DRC1: variants seen among roughly 807,000 people sequenced by gnomAD.
DRC1 encodes the protein dynein regulatory complex subunit 1.
In DRC1, 74 loss-of-function variants were observed where a neutral mutation model predicts 98.7. The observed-to-expected ratio is 0.75, with a 90% CI of 0.62 to 0.91. DRC1 has a LOEUF of 0.91. Ranked by LOEUF, DRC1 falls within the 40% of genes least tolerant of loss-of-function variation. The probability of loss-of-function intolerance (pLI) is 0.00; values close to 1 mark genes in which losing one functional copy is unlikely to be tolerated. For synonymous variants in DRC1, 336 were observed against 334.1 expected, an observed-to-expected ratio of 1.01 and a Z score of -0.06; for missense variants, 875 against 886.0, an observed-to-expected ratio of 0.99 and a Z score of 0.16.
intron 1 of DRC1, among the ~76,000 whole-genome samples, chr2:26,402,377 C>G (rs1421286100): frequency 6.6e-6 from 1 of 152,198 alleles, no homozygotes; most frequent in Non-Finnish European, 1.5e-5. Context: ...CATAGAGAGA[C>G]CCCATCTCTA....
intron 2 of DRC1, among the ~76,000 whole-genome samples, chr2:26,418,646 A>T (rs7422580): frequency 0.31 from 28,795 of 93,152 alleles, 4,252 homozygotes; most frequent in Middle Eastern, 0.36. Flanking sequence ...AATTTATATA[A>T]TATATAAATT....
chr2:26,427,063 T>C (rs1359481799), intron 4 of DRC1, among the ~76,000 whole-genome samples: 1 of 152,202 alleles, frequency 6.6e-6, no homozygotes, highest in Admixed American at 6.5e-5. Context: ...TATTTTGGAT[T>C]GGTCATTATT....
chr2:26,431,432 G>T (rs1188891872), intron 6 of DRC1, among the ~76,000 whole-genome samples: 1 of 152,056 alleles, frequency 6.6e-6, no homozygotes, highest in East Asian at 1.9e-4. Flanking sequence ...TGTTTACTGG[G>T]TATCTCACCC....
chr2:26,454,849 G>A lies in DRC1; in HGVS notation c.2063+59G>A. On this transcript the variant is annotated intron_variant, in intron 15 of 16. Coordinates refer to ENST00000288710, the MANE Select transcript of DRC1 (RefSeq NM_145038.5). The surrounding 1 kb of genome is among the most constrained non-coding windows in gnomAD (Gnocchi z 5.2). ...GGCGGGCAGGTGAGGAACGGTTGTT[G>A]GGAGCAGCCGCGTTTGCTGCCTCCC... 1.2e-6 allele frequency: 2 copies of A among 1,606,912 alleles called. No homozygotes were observed. The highest frequency in any genetic ancestry group is 8.5e-7 in the Non-Finnish European group (1 of 1,175,464).
At chr2:26,431,291 T>C (rs986494862) in intron 6 of DRC1, among the ~76,000 whole-genome samples, 1 of 152,206 alleles carries the variant, frequency 6.6e-6, no homozygotes, top group Non-Finnish European at 1.5e-5. Flanking sequence ...TGTGGCTGAA[T>C]GCTACTGCGT....
At chr2:26,456,330 ATC>A in intron 16 of DRC1, 129 bp from the exon 17 acceptor site, 1 of 1,111,258 alleles carries the variant, frequency 9.0e-7, no homozygotes, top group Non-Finnish European at 1.3e-6. Flanking sequence ...GGTGTTCAGC[ATC>A]TCTCAGCTTT....
At chr2:26,449,496 C>G (rs1663944279) in intron 11 of DRC1, among the ~76,000 whole-genome samples, 1 of 152,254 alleles carries the variant, frequency 6.6e-6, no homozygotes, top group Non-Finnish European at 1.5e-5. Context: ...CCCCAGGCAT[C>G]CCAGCTCAGA....
intron 2 of DRC1, 147 bp downstream of exon 2, chr2:26,414,578 TCTAGGAGTGAG>T: frequency 1.5e-6 from 1 of 663,132 alleles, no homozygotes; most frequent in Non-Finnish European, 2.5e-6. Flanking sequence ...TTGAGAGCTC[TCTAGGAGTGAG>T]CTTTCAGATG....
intron 16 of DRC1, 99 bp from the exon 17 acceptor site, chr2:26,456,362 G>A: frequency 1.4e-6 from 2 of 1,458,412 alleles, no homozygotes; most frequent in Non-Finnish European, 1.9e-6. Context: ...ATGCGTGCAG[G>A]GCTTTGGAGG....
Position 26,428,527 on chromosome 2 carries a change from G to A in DRC1, c.541-1101G>A, listed in dbSNP as rs149756755. Among the ~76,000 whole-genome samples, 838 of 152,298 alleles carry A rather than the reference G, an allele frequency of 5.5e-3. 19 individuals carry two copies. In the East Asian group the frequency reaches 0.074, roughly 13 times the overall value. ...AAAATACCATATTATGGCCGGGCACGGTGGCTCACGCCTGTAATCCCAGCA... is the reference window on the plus strand; with the variant it reads ...AAAATACCATATTATGGCCGGGCACAGTGGCTCACGCCTGTAATCCCAGCA... On this transcript the variant is annotated intron_variant, in intron 4 of 16. Transcript: ENST00000288710.
chr2:26,442,518 C>T (rs1375670809), intron 8 of DRC1, among the ~76,000 whole-genome samples: 2 of 152,168 alleles, frequency 1.3e-5, no homozygotes, highest in Non-Finnish European at 1.5e-5. Flanking sequence ...TCTTGAGTAT[C>T]TAGATAAGAC....
chr2:26,421,209 T>C (rs1285168862), intron 2 of DRC1, 79 bp from the exon 3 acceptor site: 5 of 1,330,440 alleles, frequency 3.8e-6, no homozygotes, highest in Non-Finnish European at 5.2e-6. Context: ...CTGCGGACAG[T>C]TGTGCAAAAA....
At position 26,414,115 on chromosome 2, in the gene DRC1, CATTATT is replaced by C. The variant is rs3067393; in HGVS notation, c.156-204_156-199del. 0.12 allele frequency among the ~76,000 whole-genome samples: 17,174 copies of C among 144,430 alleles called. 1,853 individuals carry two copies. The highest frequency in any genetic ancestry group is 0.56 in the East Asian group (2,790 of 4,994). 94.8% of individuals were successfully genotyped at this position (144,430 alleles called of 152,430 possible). A position where few individuals can be genotyped will look rare whatever the true frequency, so the allele number is the denominator to read the frequency against. Reference sequence around the variant, plus strand: ...ATTTATATATGAAGTACAATGGAACCATTATTATTATTATTATTATTATTATTATTG... The same window carrying C: ...ATTTATATATGAAGTACAATGGAACCATTATTATTATTATTATTATTATTG... On this transcript the variant is annotated intron_variant, in intron 1 of 16. Transcript: ENST00000288710.
At chr2:26,402,270 C>G in intron 1 of DRC1, 126 bp downstream of exon 1, 1 of 1,386,472 alleles carries the variant, frequency 7.2e-7, no homozygotes. Flanking sequence ...AAACGCTGGG[C>G]CGGTGCCGTG....
At chr2:26,430,956 A>ATATT in intron 6 of DRC1, 84 bp downstream of exon 6, 14 of 572,444 alleles carry the variant, frequency 2.4e-5, no homozygotes, top group South Asian at 3.5e-5. Context: ...GCCTTTTTCT[A>ATATT]TCTTTTTTTT....
intron 9 of DRC1, 148 bp from the exon 10 acceptor site, chr2:26,444,568 A>G: frequency 2.0e-6 from 2 of 1,017,224 alleles, no homozygotes; most frequent in Non-Finnish European, 2.8e-6. Context: ...CTTCCAGTTT[A>G]TCGTAAGTGG....
At chr2:26,424,900 C>T (rs113801569) in intron 4 of DRC1, among the ~76,000 whole-genome samples, 9 of 152,172 alleles carry the variant, frequency 5.9e-5, no homozygotes, top group Non-Finnish European at 7.4e-5. Flanking sequence ...TGCAGTGAGC[C>T]GAGATCGCAC....
intron 7 of DRC1, among the ~76,000 whole-genome samples, chr2:26,437,767 T>C (rs1663610063): frequency 6.6e-6 from 1 of 151,974 alleles, no homozygotes; most frequent in Non-Finnish European, 1.5e-5. Flanking sequence ...TATTATGACA[T>C]GGTAAACATA....
intron 16 of DRC1, among the ~76,000 whole-genome samples, chr2:26,455,696 C>G (rs1035798924): frequency 3.3e-5 from 5 of 152,266 alleles, no homozygotes; most frequent in African/African-American, 1.2e-4. Flanking sequence ...CCCACCAGCC[C>G]CGGTTCCCTG....
Sources: gnomAD v4.1 joint callset for allele counts (sites outside exome capture counted in the v4.1 genomes callset) on GRCh38, gnomAD v4.1.1 for gene constraint, Gnocchi (gnomAD v3.1) non-coding constraint, MANE v1.5 for transcripts, NCBI Gene and HGNC (gene_info 2026-07-23, HGNC 2026-07-21) for gene names.